The following GPSM1 variants were observed in gnomAD, a reference collection of about 807,000 sequenced individuals.
GPSM1 encodes G protein signaling modulator 1.
A neutral mutation model predicts 70.5 loss-of-function variants in GPSM1; 48 were observed. The ratio of observed to expected loss-of-function variants is 0.68; its 90% CI spans 0.54 to 0.87. GPSM1 has a LOEUF of 0.87. GPSM1 is among the 40% of genes least tolerant of loss of function. The pLI is 0.00. For missense variants in GPSM1, 981 were observed against 972.6 expected, an observed-to-expected ratio of 1.01 and a Z score of -0.11; for synonymous variants, 416 against 430.1, an observed-to-expected ratio of 0.97 and a Z score of 0.41.
At chr9:136,344,564 C>T (rs1375158992) in intron 9 of GPSM1, among the ~76,000 whole-genome samples, 4 of 152,208 alleles carry the variant, frequency 2.6e-5, no homozygotes, top group Non-Finnish European at 4.4e-5. Context: ...CATTATGGGG[C>T]TCCATTCTCA....
At chr9:136,331,482 C>T (rs920653349) in intron 1 of GPSM1, among the ~76,000 whole-genome samples, 3 of 151,972 alleles carry the variant, frequency 2.0e-5, no homozygotes, top group Admixed American at 6.5e-5. Context: ...AACCGGTAGG[C>T]GGCCAGGGGC....
At chr9:136,354,977 C>A in intron 11 of GPSM1, 1 of 1,072,288 alleles carries the variant, frequency 9.3e-7, no homozygotes, top group Non-Finnish European at 1.1e-6. Flanking sequence ...ACTGGGGTAG[C>A]ACCCATGAGA....
chr9:136,337,518 A>G lies in GPSM1; in HGVS notation c.656A>G (p.His219Arg), dbSNP rs888207999. Residue 219 changes from histidine to arginine, a missense_variant, in exon 5 of 14, where the codon CAC becomes CGC. Coordinates refer to ENST00000440944, the MANE Select transcript of GPSM1 (RefSeq NM_001145638.3). ...GCCTACGGCAACCTGGGCAACACCCACTATTTGTTGGGGAACTTCACAGAG... is the reference window on the plus strand; with the variant it reads ...GCCTACGGCAACCTGGGCAACACCCGCTATTTGTTGGGGAACTTCACAGAG... ...GRAYGNLGNT[H>R]YLLGNFTEAT... is the part of the protein sequence containing the mutation. 3 of 1,560,610 alleles carry G rather than the reference A, an allele frequency of 1.9e-6. No individual in the cohort carries two copies. The highest frequency in any genetic ancestry group is 1.7e-6 in the Non-Finnish European group (2 of 1,152,308).
Position 136,359,473 on chromosome 9 carries a change from C to T in GPSM1, c.*1253C>T, listed in dbSNP as rs1340132046. The T allele has an allele frequency of 6.6e-6, 1 of 152,314 alleles. No homozygotes were observed. The highest frequency in any genetic ancestry group is 1.5e-5 in the Non-Finnish European group (1 of 68,030). The allele number at this position is 152,314 out of a possible 1,614,324, so 9.4% of individuals were successfully genotyped here. On this transcript the variant is annotated 3_prime_UTR_variant, in exon 14 of 14. Coordinates refer to ENST00000440944, the MANE Select transcript of GPSM1 (RefSeq NM_001145638.3). ...ACAGGGTCTCCAGGACGTAGCGCCC[C>T]CCCGCATACTTGAATGTATGTGCGT...
In GPSM1 at chr9:136,338,686, T is replaced by C; in HGVS notation, c.950T>C (p.Leu317Pro). The change falls in exon 7 of 14, where the codon CTC (leucine) becomes CCC (proline). Residue 317 changes from leucine (L) to proline (P), a missense_variant. By Grantham distance (98) the Leu-to-Pro change is moderately conservative. Transcript: ENST00000440944. The part of the protein sequence containing the change: ...RAAEYHLRHL[L>P]IAQELADRVG... ...GCCGAGTACCACCTGCGGCACCTGCTCATTGCCCAGGAGCTGGCCGACAGG... is the reference window on the plus strand; with the variant it reads ...GCCGAGTACCACCTGCGGCACCTGCCCATTGCCCAGGAGCTGGCCGACAGG... 6.4e-7 allele frequency: 1 copy of C among 1,564,184 alleles called. No homozygotes were observed. Among genetic ancestry groups the C allele is most frequent in the East Asian group, 2.4e-5 (1 of 42,544 alleles).
chr9:136,345,829 C>T (rs569960849), intron 9 of GPSM1, among the ~76,000 whole-genome samples: 1 of 152,284 alleles, frequency 6.6e-6, no homozygotes, highest in South Asian at 2.1e-4. Flanking sequence ...AGCAGCTGTC[C>T]TCAGAGCTAC....
rs781889669 is a variant in GPSM1, at chr9:136,356,394, C to T, written c.1665C>T (p.Ile555=). 5.5e-5 allele frequency: 88 copies of T among 1,608,654 alleles called. 1 individual carries two copies. In the Admixed American group the frequency reaches 1.0e-3, roughly 19 times the overall value. The change falls in exon 13 of 14, where the codon ATC becomes ATT. Residue 555 remains isoleucine, a synonymous_variant. Coordinates refer to ENST00000440944, the MANE Select transcript of GPSM1 (RefSeq NM_001145638.3). ...AGACCGAGGAATTCTTCGACCTCAT[C>T]GCCAGCTCCCAGAGCCGCCGGCTGG... The part of the protein sequence containing the change: ...SPQTEEFFDL[I]ASSQSRRLDD...
chr9:136,358,389 G>A lies in GPSM1; in HGVS notation c.*169G>A. The stretch of plus-strand genomic sequence containing the variant: ...TCAGGCCAAGCTGCCCGTGGTGGGA[G>A]GGCGTGCTTCCATCCCGGGCTGGCC... On this transcript the variant is annotated 3_prime_UTR_variant, in exon 14 of 14. Coordinates refer to ENST00000440944, the MANE Select transcript of GPSM1 (RefSeq NM_001145638.3). 6.1e-6 allele frequency: 4 copies of A among 654,960 alleles called. No homozygotes were observed. The highest frequency in any genetic ancestry group is 7.7e-6 in the Non-Finnish European group (3 of 391,098). The allele number at this position is 654,960 out of a possible 1,614,324, so 40.6% of individuals were successfully genotyped here. A position where few individuals can be genotyped will look rare whatever the true frequency, so the allele number is the denominator to read the frequency against.
At chr9:136,335,679 G>A (rs1037612086) in intron 2 of GPSM1, among the ~76,000 whole-genome samples, 8 of 152,200 alleles carry the variant, frequency 5.3e-5, no homozygotes, top group South Asian at 2.1e-4. Flanking sequence ...AGGCCCAGGC[G>A]TGAGGTCCTG....
chr9:136,334,383 A>C (rs1284758028), intron 1 of GPSM1, 64 bp from the exon 2 acceptor site: 2 of 1,223,070 alleles, frequency 1.6e-6, no homozygotes, highest in East Asian at 2.4e-5. Context: ...GAAGCCACGG[A>C]GGTGCTCCGG....
Position 136,341,720 on chromosome 9 carries a change from C to T in GPSM1, c.1207+727C>T. 1.0e-6 allele frequency: 1 copy of T among 990,566 alleles called. No homozygotes were observed. The highest frequency in any genetic ancestry group is 1.2e-6 in the Non-Finnish European group (1 of 832,602). The allele number at this position is 990,566 out of a possible 1,614,324, so 61.4% of individuals were successfully genotyped here. A position where few individuals can be genotyped will look rare whatever the true frequency, so the allele number is the denominator to read the frequency against. ...GGGATGCCTGCCTCCCAGAACGTACCTGGTGCCCCCCAGGCCTGCTAAGGA... is the reference window on the plus strand; with the variant it reads ...GGGATGCCTGCCTCCCAGAACGTACTTGGTGCCCCCCAGGCCTGCTAAGGA... On this transcript the variant is annotated intron_variant, in intron 9 of 13. Transcript: ENST00000440944. This position sits in a 1 kb window ranked among gnomAD's most constrained non-coding sequence, Gnocchi z 6.7.
chr9:136,330,221 G>A (rs1832070379), intron 1 of GPSM1, among the ~76,000 whole-genome samples: 1 of 151,954 alleles, frequency 6.6e-6, no homozygotes, highest in Admixed American at 6.5e-5. Context: ...GGGCCGGGAA[G>A]GGGCAGCAGA....
At chr9:136,332,500 C>T (rs1307617763) in intron 1 of GPSM1, among the ~76,000 whole-genome samples, 1 of 152,240 alleles carries the variant, frequency 6.6e-6, no homozygotes, top group Non-Finnish European at 1.5e-5. Flanking sequence ...ACCCAGGCCT[C>T]AGGCCTGAAG....
chr9:136,336,338 G>A (rs368138963), intron 3 of GPSM1, among the ~76,000 whole-genome samples: 3 of 152,084 alleles, frequency 2.0e-5, no homozygotes, highest in East Asian at 1.9e-4. Flanking sequence ...CAGTTCTGCC[G>A]CCCCTCTCGG....
At chr9:136,354,586 G>C (rs909065285) in intron 11 of GPSM1, among the ~76,000 whole-genome samples, 2 of 152,242 alleles carry the variant, frequency 1.3e-5, no homozygotes, top group African/African-American at 2.4e-5. Flanking sequence ...AGCGCCGGTC[G>C]GGAGGTGGAC....
chr9:136,357,807 G>T (rs1313087725), intron 13 of GPSM1, among the ~76,000 whole-genome samples: 2 of 152,244 alleles, frequency 1.3e-5, no homozygotes, highest in East Asian at 3.9e-4. Flanking sequence ...CTGCGGGTTG[G>T]TGGCGGGGCC....
At position 136,358,245 on chromosome 9, in the gene GPSM1, A is replaced by G. The variant is rs1832898530; in HGVS notation, c.*25A>G. On this transcript the variant is annotated 3_prime_UTR_variant, in exon 14 of 14. Transcript: ENST00000440944. ...AGGCCCTGTGCCCACCGCCAGGCCCACCCTGCCCCCACTCCTGGACGCCGG... is the reference window on the plus strand; with the variant it reads ...AGGCCCTGTGCCCACCGCCAGGCCCGCCCTGCCCCCACTCCTGGACGCCGG... 6.6e-7 allele frequency: 1 copy of G among 1,520,578 alleles called. No individual in the cohort carries two copies. Among genetic ancestry groups the G allele is most frequent in the Non-Finnish European group, 8.8e-7 (1 of 1,134,234 alleles). The allele number at this position is 1,520,578 out of a possible 1,614,324, so 94.2% of individuals were successfully genotyped here.
chr9:136,336,759 C>A (rs1238027885), intron 3 of GPSM1, among the ~76,000 whole-genome samples, 162 bp from the exon 4 acceptor site: 1 of 152,144 alleles, frequency 6.6e-6, no homozygotes, highest in Non-Finnish European at 1.5e-5. Flanking sequence ...CCGGGTGTGC[C>A]GTCCTCAGGC....
chr9:136,349,845 G>GTCCACTGCCCCAACTCCACT (rs1832615757), intron 11 of GPSM1, 82 bp downstream of exon 11: 2 of 1,343,382 alleles, frequency 1.5e-6, no homozygotes, highest in Non-Finnish European at 2.0e-6. Context: ...CAGCCAACGG[G>GTCCACTGCCCCAACTCCACT]GCCAGGTCAG....
Sources: allele counts gnomAD v4.1 joint callset (sites outside exome capture counted in the v4.1 genomes callset), GRCh38; gene constraint gnomAD v4.1.1; non-coding constraint Gnocchi (gnomAD v3.1); transcripts MANE v1.5; gene names NCBI Gene and HGNC (gene_info 2026-07-23, HGNC 2026-07-21).